The following GDA variants were observed in gnomAD, a reference collection of about 807,000 sequenced individuals.
GDA encodes the protein cytoplasmic PSD-95 interactor.
Under a neutral mutation model 59.6 loss-of-function variants are expected in GDA, and 18 were observed. That is an observed-to-expected ratio of 0.30 (90% CI 0.21 to 0.45). The LOEUF is 0.45. Among genes scored for constraint, GDA ranks in the 20% least tolerant of loss-of-function variants. The probability of loss-of-function intolerance (pLI) is 1.00; values close to 1 mark genes in which losing one functional copy is unlikely to be tolerated. For missense variants in GDA, 427 were observed against 552.3 expected (o/e 0.77, Z 2.27); for synonymous variants, 201 against 201.1 (o/e 1.00, Z 0.00).
intron 1 of GDA, among the ~76,000 whole-genome samples, chr9:72,131,485 TCCAGTCACCTC>T (rs1826024609): frequency 6.6e-6 from 1 of 151,926 alleles, no homozygotes; most frequent in South Asian, 2.1e-4. Flanking sequence ...ACCCCCACGA[TCCAGTCACCTC>T]CCACCAGGCC....
downstream of GDA, among the ~76,000 whole-genome samples, chr9:72,255,400 C>A (rs182723193): frequency 6.6e-6 from 1 of 152,122 alleles, no homozygotes; most frequent in Non-Finnish European, 1.5e-5. Flanking sequence ...CTGCTGGTTC[C>A]TACCAGTTTC....
intron 3 of GDA, among the ~76,000 whole-genome samples, chr9:72,209,830 T>G (rs4427235): frequency 0.3 from 46,073 of 151,970 alleles, 7,382 homozygotes; most frequent in East Asian, 0.52. Flanking sequence ...CTCTAGAAAA[T>G]AATCGTTTAG....
chr9:72,189,072 T>C (rs958706900), intron 1 of GDA, among the ~76,000 whole-genome samples: 1 of 151,994 alleles, frequency 6.6e-6, no homozygotes, highest in Non-Finnish European at 1.5e-5. Context: ...GTAGATAACT[T>C]ATTTGATTTC....
chr9:72,174,290 A>G (rs1830310028), intron 1 of GDA, among the ~76,000 whole-genome samples: 1 of 152,228 alleles, frequency 6.6e-6, no homozygotes, highest in Non-Finnish European at 1.5e-5. Context: ...ACAGATATGA[A>G]TAAAATAATA....
chr9:72,250,459 C>A lies in GDA; in HGVS notation c.*2117C>A. On this transcript the variant is annotated 3_prime_UTR_variant, in exon 14 of 14. Transcript: ENST00000358399. ...TTTAGCTCTGATAGTGTGTTAAGACCTGAATATCTTTCCTAGTAAAAATAG... is the reference window on the plus strand; with the variant it reads ...TTTAGCTCTGATAGTGTGTTAAGACATGAATATCTTTCCTAGTAAAAATAG... 1.5e-6 allele frequency: 2 copies of A among 1,292,156 alleles called. No homozygotes were observed. The highest frequency in any genetic ancestry group is 3.6e-5 in the East Asian group (1 of 27,594). 80.0% of individuals were successfully genotyped at this position (1,292,156 alleles called of 1,614,324 possible).
At chr9:72,225,920 G>T in intron 8 of GDA, 136 bp downstream of exon 8, 1 of 538,276 alleles carries the variant, frequency 1.9e-6, no homozygotes. Flanking sequence ...TAATTTTTGT[G>T]GGTACACAGA....
intron 1 of GDA, among the ~76,000 whole-genome samples, chr9:72,174,813 CAG>C (rs1179157790): frequency 6.6e-6 from 1 of 150,582 alleles, no homozygotes; most frequent in African/African-American, 2.4e-5. Context: ...GAGACAGAGA[CAG>C]AGTGGGGATG....
At position 72,163,667 on chromosome 9, in the gene GDA, T is replaced by A. The variant is rs183662811; in HGVS notation, c.123+13985T>A. 6.8e-4 allele frequency among the ~76,000 whole-genome samples: 104 copies of A among 152,246 alleles called. 2 individuals carry two copies. The highest frequency in any genetic ancestry group is 2.4e-3 in the African/African-American group (98 of 41,542). On this transcript the variant is annotated intron_variant, in intron 1 of 13. Coordinates refer to ENST00000358399, the MANE Select transcript of GDA (RefSeq NM_004293.5). ...GCCACCATGCCTGGCTAATTTTTTG[T>A]ATTTTTGGTAGAGATGGGGTTTCAC...
In GDA at chr9:72,248,375, T is replaced by C; in HGVS notation, c.*33T>C. ...GGGCGTCTACAAAGTTCTCCTGGGA[T>C]TAGCGTGGTTCTGCATCTCCCTTGT... On this transcript the variant is annotated 3_prime_UTR_variant, in exon 14 of 14. Transcript: ENST00000358399. The C allele has an allele frequency of 6.2e-7, 1 of 1,613,048 alleles. No individual in the cohort carries two copies. Among genetic ancestry groups the C allele is most frequent in the Non-Finnish European group, 8.5e-7 (1 of 1,179,314 alleles).
chr9:72,193,099 A>T (rs185887912), intron 1 of GDA, among the ~76,000 whole-genome samples: 1 of 152,066 alleles, frequency 6.6e-6, no homozygotes, highest in Admixed American at 6.5e-5. Context: ...GAAAGATTAC[A>T]TATCTTTCTC....
chr9:72,173,520 A>G (rs1234267262), intron 1 of GDA, among the ~76,000 whole-genome samples: 1 of 151,866 alleles, frequency 6.6e-6, no homozygotes, highest in Non-Finnish European at 1.5e-5. Context: ...TCGGAGGGGC[A>G]GGATTTCACC....
intron 12 of GDA, 39 bp downstream of exon 12, chr9:72,245,317 T>C: frequency 1.3e-6 from 2 of 1,510,166 alleles, no homozygotes; most frequent in South Asian, 1.1e-5. Flanking sequence ...ATTTATTTCA[T>C]AAAGTCGTCA....
At chr9:72,238,975 A>T (rs1359120648) in intron 10 of GDA, among the ~76,000 whole-genome samples, 1 of 152,220 alleles carries the variant, frequency 6.6e-6, no homozygotes, top group Non-Finnish European at 1.5e-5. Context: ...CCATGCGCAC[A>T]GTTTAAAACC....
At chr9:72,184,825 A>T (rs1302366139) in intron 1 of GDA, among the ~76,000 whole-genome samples, 1 of 152,226 alleles carries the variant, frequency 6.6e-6, no homozygotes, top group African/African-American at 2.4e-5. Context: ...AATGCTAGTG[A>T]AAGCCACTGG....
chr9:72,196,484 TA>T (rs751315876), intron 2 of GDA, among the ~76,000 whole-genome samples: 7,650 of 131,178 alleles, frequency 0.058, 533 homozygotes, highest in African/African-American at 0.18. Context: ...AAGACTCTGT[TA>T]AAAAAAAAAA....
At chr9:72,231,534 C>A (rs567847092) in intron 10 of GDA, among the ~76,000 whole-genome samples, 1 of 150,092 alleles carries the variant, frequency 6.7e-6, no homozygotes, top group South Asian at 2.1e-4. Context: ...CACTGCACTT[C>A]AGCGTGGGTG....
intron 9 of GDA, 62 bp from the exon 10 acceptor site, chr9:72,231,052 A>T: frequency 1.1e-6 from 1 of 904,522 alleles, no homozygotes; most frequent in Non-Finnish European, 1.9e-6. Flanking sequence ...CATTGTTATT[A>T]GTGTTCATCT....
Position 72,202,684 on chromosome 9 carries a change from C to T in GDA, c.326C>T (p.Pro109Leu), listed in dbSNP as rs1226984469. 1.4e-5 allele frequency: 22 copies of T among 1,613,890 alleles called. No homozygotes were observed. In the East Asian group the frequency reaches 4.5e-4, roughly 33 times the overall value. ...GAGTGGCTGACCAAGTACACATTTC[C>T]TGCAGAACACAGATTCCAGAACATC... ...LLEWLTKYTF[P>L]AEHRFQNIDF... Residue 109 changes from proline (P) to leucine (L), a missense_variant, in exon 3 of 14, where the codon CCT becomes CTT. Coordinates refer to ENST00000358399, the MANE Select transcript of GDA (RefSeq NM_004293.5).
chr9:72,135,658 G>A (rs192794153), intron 1 of GDA, among the ~76,000 whole-genome samples: 15 of 152,162 alleles, frequency 9.9e-5, no homozygotes, highest in Admixed American at 2.6e-4. Flanking sequence ...GGCCTGGCGC[G>A]GTGACTCACG....
Sources: gnomAD v4.1 joint callset for allele counts (sites outside exome capture counted in the v4.1 genomes callset) on GRCh38, gnomAD v4.1.1 for gene constraint, MANE v1.5 for transcripts, NCBI Gene and HGNC (gene_info 2026-07-23, HGNC 2026-07-21) for gene names.